The following DPP8 variants were observed in gnomAD, a reference collection of about 807,000 sequenced individuals.
DPP8 encodes the protein dipeptidyl peptidase 8, also known as DPP VIII.
Under a neutral mutation model 107.5 loss-of-function variants are expected in DPP8, and 31 were observed. The ratio of observed to expected loss-of-function variants is 0.29; its 90% CI spans 0.22 to 0.39. DPP8 has a LOEUF of 0.39. DPP8 is among the 10% of genes least tolerant of loss of function. The pLI is 1.00. For missense variants in DPP8, 842 were observed against 1,076.1 expected (o/e 0.78, Z 3.04); for synonymous variants, 381 against 356.6 (o/e 1.07, Z -0.77).
At chr15:65,504,779 T>C (rs1817779936) in intron 3 of DPP8, among the ~76,000 whole-genome samples, 1 of 151,648 alleles carries the variant, frequency 6.6e-6, no homozygotes, top group African/African-American at 2.4e-5. Flanking sequence ...CTCAGGAGTT[T>C]GAGACCACCC....
chr15:65,451,261 A>C, intron 18 of DPP8, 151 bp from the exon 19 acceptor site: 1 of 580,168 alleles, frequency 1.7e-6, no homozygotes, highest in South Asian at 2.2e-5. Context: ...AATTTGTAAC[A>C]TATTAACCAG....
chr15:65,456,137 C>T, intron 16 of DPP8, 88 bp downstream of exon 16: 2 of 1,449,382 alleles, frequency 1.4e-6, no homozygotes, highest in Admixed American at 4.1e-5. Context: ...TAGCCCCTTC[C>T]CCCAACTCTC....
In DPP8 at chr15:65,466,765, A is replaced by C; in HGVS notation, c.1738T>G (p.Cys580Gly). The part of the protein sequence containing the change: ...SKYSNQKNPH[C>G]VSLYKLSSPE... ...CTTGATAGCTTGTAAAGGGACACAC[A>C]GTGTGGATTCTTCTGGTTACTATAC... is the stretch of plus-strand genomic sequence containing the variant. The change falls in exon 14 of 20, where the codon TGT becomes GGT. Residue 580 changes from cysteine (C) to glycine (G), a missense_variant. By Grantham distance (159) the Cys-to-Gly change is radical. Around this residue, in one of 2 missense-constraint regions of DPP8, gnomAD observed 663 missense variants for 758.0 expected, o/e 0.87. Transcript: ENST00000300141. The C allele has an allele frequency of 1.2e-6, 2 of 1,613,992 alleles. No homozygotes were observed. The highest frequency in any genetic ancestry group is 1.7e-6 in the Non-Finnish European group (2 of 1,179,838).
intron 19 of DPP8, among the ~76,000 whole-genome samples, chr15:65,449,818 G>A (rs1280285116): frequency 4.6e-5 from 7 of 152,212 alleles, no homozygotes; most frequent in Admixed American, 3.3e-4. Context: ...GAATGCAAGT[G>A]TCTTCTTTAC....
At chr15:65,487,923 T>C in intron 6 of DPP8, 105 bp from the exon 7 acceptor site, 1 of 785,896 alleles carries the variant, frequency 1.3e-6, no homozygotes, top group South Asian at 1.9e-5. Context: ...AAGAATAACT[T>C]ATGTATAAAA....
chr15:65,456,250 A>T lies in DPP8; in HGVS notation c.2093T>A (p.Phe698Tyr). 1 of 1,612,038 alleles carries T rather than the reference A, an allele frequency of 6.2e-7. No homozygotes were observed. Among genetic ancestry groups the T allele is most frequent in the Non-Finnish European group, 8.5e-7 (1 of 1,179,534 alleles). The stretch of plus-strand genomic sequence containing the variant: ...CATTTTATATTTAAAGGCGCCTTCA[A>T]ATTTAAGCCCTCGGTGACAGGATCC... ...NRGSCHRGLK[F>Y]EGAFKYKMGQ... The change falls in exon 16 of 20, where the codon TTT (phenylalanine) becomes TAT (tyrosine). Residue 698 changes from phenylalanine to tyrosine, a missense_variant. By Grantham distance (22) the Phe-to-Tyr change is conservative. Transcript: ENST00000300141.
chr15:65,472,543 T>C (rs2065981822), intron 12 of DPP8, among the ~76,000 whole-genome samples: 1 of 152,172 alleles, frequency 6.6e-6, no homozygotes, highest in Non-Finnish European at 1.5e-5. Context: ...CAAGCGATTC[T>C]CCAGCCTTCA....
intron 3 of DPP8, among the ~76,000 whole-genome samples, chr15:65,504,361 C>T (rs1231316442): frequency 1.6e-5 from 2 of 126,160 alleles, no homozygotes; most frequent in Non-Finnish European, 3.3e-5. Flanking sequence ...GAAACTCCAT[C>T]TCAAAAAAAA....
chr15:65,490,386 G>T, intron 5 of DPP8, 87 bp from the exon 6 acceptor site: 1 of 844,558 alleles, frequency 1.2e-6, no homozygotes, highest in Non-Finnish European at 2.0e-6. Flanking sequence ...TTGGAAAGGT[G>T]GCTGGAATAC....
At chr15:65,454,482 G>A in intron 16 of DPP8, 67 bp from the exon 17 acceptor site, 1 of 1,380,150 alleles carries the variant, frequency 7.2e-7, no homozygotes. Flanking sequence ...TGCTTTCAAA[G>A]ATGATAAATG....
intron 8 of DPP8, among the ~76,000 whole-genome samples, chr15:65,483,336 G>A (rs2067104863): frequency 6.6e-6 from 1 of 151,834 alleles, no homozygotes; most frequent in Non-Finnish European, 1.5e-5. Context: ...ACCAGCCTGG[G>A]CAACATAGGG....
In DPP8 at chr15:65,480,297, C is replaced by T. The variant is rs2140737958; in HGVS notation, c.1221G>A (p.Gln407=). The stretch of plus-strand genomic sequence containing the variant: ...AATCAGGCACTGACTCAATGAGTCT[C>T]TGCCTTTCCATAACATCATCTTCTA... The part of the protein sequence containing the change: ...IPVEDDVMER[Q]RLIESVPDSV... The change falls in exon 10 of 20, where the codon CAG becomes CAA. Residue 407 remains glutamine (Q), a synonymous_variant. Transcript: ENST00000300141. 1.2e-6 allele frequency: 2 copies of T among 1,613,532 alleles called. No homozygotes were observed. Among genetic ancestry groups the T allele is most frequent in the East Asian group, 4.5e-5 (2 of 44,862 alleles).
intron 12 of DPP8, among the ~76,000 whole-genome samples, chr15:65,469,784 C>T (rs1036992757): frequency 6.6e-6 from 1 of 151,470 alleles, no homozygotes; most frequent in Non-Finnish European, 1.5e-5. Flanking sequence ...TGCAGTGGGC[C>T]GAGATCGTAC....
intron 11 of DPP8, among the ~76,000 whole-genome samples, chr15:65,478,635 A>C (rs1262144211): frequency 6.6e-6 from 1 of 152,214 alleles, no homozygotes; most frequent in Non-Finnish European, 1.5e-5. Context: ...AAAAGTAAAA[A>C]TCAGTAATCC....
At chr15:65,456,531 T>C (rs2064436210) in intron 15 of DPP8, among the ~76,000 whole-genome samples, 160 bp from the exon 16 acceptor site, 1 of 152,240 alleles carries the variant, frequency 6.6e-6, no homozygotes, top group Non-Finnish European at 1.5e-5. Flanking sequence ...GTCTGTTTAT[T>C]TGCTTCTTGC....
chr15:65,478,034 T>C (rs767453765), intron 11 of DPP8, among the ~76,000 whole-genome samples: 3 of 152,168 alleles, frequency 2.0e-5, no homozygotes, highest in African/African-American at 4.8e-5. Flanking sequence ...TATGCATCCA[T>C]TCCGTATTAT....
chr15:65,454,415 C>T lies in DPP8; in HGVS notation c.2119G>A (p.Gly707Ser). The T allele has an allele frequency of 6.3e-7, 1 of 1,582,516 alleles. No individual in the cohort carries two copies. The highest frequency in any genetic ancestry group is 8.6e-7 in the Non-Finnish European group (1 of 1,169,182). ...ACCTGATCGTCAATTTCTATTTGACCCTGTCAAAAAAGGGAGAACATTTCA... is the reference window on the plus strand; with the variant it reads ...ACCTGATCGTCAATTTCTATTTGACTCTGTCAAAAAAGGGAGAACATTTCA... ...KFEGAFKYKM[G>S]QIEIDDQVEG... Residue 707 changes from glycine (G) to serine (S), a missense_variant and splice_region_variant, in exon 17 of 20, where the codon GGT becomes AGT. Coordinates refer to ENST00000300141, the MANE Select transcript of DPP8 (RefSeq NM_130434.5).
chr15:65,491,253 T>C (rs2068004950), intron 5 of DPP8, among the ~76,000 whole-genome samples: 1 of 152,036 alleles, frequency 6.6e-6, no homozygotes, highest in Non-Finnish European at 1.5e-5. Context: ...ATAGCATTTA[T>C]ACTGTGATTC....
chr15:65,500,019 C>G (rs1317987027), intron 4 of DPP8, among the ~76,000 whole-genome samples: 1 of 152,150 alleles, frequency 6.6e-6, no homozygotes, highest in Non-Finnish European at 1.5e-5. Context: ...CCTCAGACTC[C>G]TGAGTATCTG....
Sources: allele counts gnomAD v4.1 joint callset (sites outside exome capture counted in the v4.1 genomes callset), GRCh38; gene constraint gnomAD v4.1.1; regional missense constraint gnomAD v4.1.1; transcripts MANE v1.5; gene names NCBI Gene and HGNC (gene_info 2026-07-23, HGNC 2026-07-21).